The following DCDC2 variants were observed in gnomAD, a reference collection of about 807,000 sequenced individuals.
DCDC2 encodes doublecortin domain containing 2, also known as doublecortin domain-containing protein 2.
DCDC2 carries 40 observed loss-of-function variants against 50.2 expected under a neutral mutation model. That is an observed-to-expected ratio of 0.80 (90% CI 0.62 to 1.04). DCDC2 has a LOEUF of 1.04. Among genes scored for constraint, DCDC2 ranks in the 50% least tolerant of loss-of-function variants. DCDC2 has a pLI of 0.00. For synonymous variants in DCDC2, 234 were observed against 210.6 expected, an observed-to-expected ratio of 1.11 and a Z score of -0.96; for missense variants, 570 against 581.9, an observed-to-expected ratio of 0.98 and a Z score of 0.21.
At chr6:24,207,895 G>T (rs909721551) in intron 7 of DCDC2, among the ~76,000 whole-genome samples, 4 of 152,082 alleles carry the variant, frequency 2.6e-5, no homozygotes, top group African/African-American at 9.7e-5. Flanking sequence ...TCCTGATTTT[G>T]ATACAATTAA....
intron 4 of DCDC2, among the ~76,000 whole-genome samples, chr6:24,295,434 T>G (rs1763840994): frequency 6.6e-6 from 1 of 152,244 alleles, no homozygotes; most frequent in Admixed American, 6.5e-5. Flanking sequence ...CTCTCGCCAC[T>G]CCTATTCAAC....
At chr6:24,373,900 C>T in the DCDC2 span, among the ~76,000 whole-genome samples, 2 of 151,592 alleles carry the variant, frequency 1.3e-5, no homozygotes, top group Non-Finnish European at 2.9e-5. Context: ...CGGTGGCTCA[C>T]GCCTGTAATC....
At chr6:24,263,785 A>AGG (rs1422707096) in intron 7 of DCDC2, among the ~76,000 whole-genome samples, 1 of 152,210 alleles carries the variant, frequency 6.6e-6, no homozygotes, top group Non-Finnish European at 1.5e-5. Flanking sequence ...CTTAAAGAAG[A>AGG]GGGAGAGAGA....
At chr6:24,351,201 G>C (rs777427823) in intron 2 of DCDC2, among the ~76,000 whole-genome samples, 15 of 152,208 alleles carry the variant, frequency 9.9e-5, no homozygotes, top group Non-Finnish European at 2.1e-4. Flanking sequence ...TTCTGGCAAT[G>C]AAAGTAGGGG....
intron 5 of DCDC2, among the ~76,000 whole-genome samples, chr6:24,289,496 A>T (rs746610618): frequency 2.6e-5 from 4 of 152,154 alleles, no homozygotes; most frequent in African/African-American, 4.8e-5. Flanking sequence ...ACACATATAT[A>T]AAAAAAATTC....
At chr6:24,227,519 T>C (rs559777114) in intron 7 of DCDC2, among the ~76,000 whole-genome samples, 2 of 152,322 alleles carry the variant, frequency 1.3e-5, no homozygotes, top group African/African-American at 4.8e-5. Context: ...AGTTACACTG[T>C]GGAGCACCCT....
At chr6:24,189,694 C>T (rs539891051) in intron 8 of DCDC2, among the ~76,000 whole-genome samples, 198 of 152,256 alleles carry the variant, frequency 1.3e-3, no homozygotes, top group African/African-American at 4.6e-3. Context: ...CCCAACCCTC[C>T]TCCTCATTGC....
intron 7 of DCDC2, among the ~76,000 whole-genome samples, chr6:24,221,112 G>A (rs1762109844): frequency 1.3e-5 from 2 of 152,222 alleles, no homozygotes; most frequent in Middle Eastern, 3.4e-3. Context: ...GAAAACAAAA[G>A]GGGTACAGAC....
the DCDC2 span, among the ~76,000 whole-genome samples, chr6:24,382,767 T>C: frequency 1.3e-5 from 2 of 152,182 alleles, no homozygotes; most frequent in Non-Finnish European, 2.9e-5. Context: ...TTTTTTCTCT[T>C]CAAAAGACTC....
At chr6:24,279,047 C>G (rs1248270163) in intron 6 of DCDC2, among the ~76,000 whole-genome samples, 2 of 152,098 alleles carry the variant, frequency 1.3e-5, no homozygotes, top group Non-Finnish European at 2.9e-5. Flanking sequence ...CAATGAAGAC[C>G]CTGTGGCTGC....
chr6:24,174,684 C>T lies in DCDC2; in HGVS notation c.*46G>A. On this transcript the variant is annotated 3_prime_UTR_variant, in exon 10 of 10. Coordinates refer to ENST00000378454, the MANE Select transcript of DCDC2 (RefSeq NM_016356.5). ...TGTGCTTATCTTTCAAGTATGATAA[C>T]CCTTCATTTTTCTTGCGATCCATAT... 2 of 1,307,746 alleles carry T rather than the reference C, an allele frequency of 1.5e-6. No individual in the cohort carries two copies. The highest frequency in any genetic ancestry group is 1.2e-5 in the South Asian group (1 of 82,134). The allele number at this position is 1,307,746 out of a possible 1,614,324, so 81.0% of individuals were successfully genotyped here.
chr6:24,180,254 T>C (rs1469945998), intron 8 of DCDC2, among the ~76,000 whole-genome samples: 1 of 152,104 alleles, frequency 6.6e-6, no homozygotes, highest in South Asian at 2.1e-4. Flanking sequence ...ATTTCTTCAA[T>C]GCTATCAATA....
At chr6:24,193,934 C>T (rs1159975535) in intron 8 of DCDC2, among the ~76,000 whole-genome samples, 1 of 151,930 alleles carries the variant, frequency 6.6e-6, no homozygotes, top group Admixed American at 6.6e-5. Context: ...TGAGATACCA[C>T]CCAATGAAAG....
intron 7 of DCDC2, among the ~76,000 whole-genome samples, chr6:24,213,761 G>A (rs2113768685): frequency 6.6e-6 from 1 of 152,204 alleles, no homozygotes; most frequent in South Asian, 2.1e-4. Context: ...AGGAAGGGCA[G>A]GTTCACATGT....
chr6:24,188,206 C>T (rs1581575470), intron 8 of DCDC2, among the ~76,000 whole-genome samples: 1 of 152,242 alleles, frequency 6.6e-6, no homozygotes, highest in East Asian at 1.9e-4. Flanking sequence ...ATGCTGGTCC[C>T]CAAATGACAC....
chr6:24,298,947 T>C (rs991014868), intron 4 of DCDC2, among the ~76,000 whole-genome samples: 12 of 152,160 alleles, frequency 7.9e-5, no homozygotes, highest in Non-Finnish European at 1.5e-4. Flanking sequence ...AAAAGACATG[T>C]ACATGTAATA....
intron 8 of DCDC2, among the ~76,000 whole-genome samples, chr6:24,179,930 G>A (rs1249592288): frequency 1.5e-4 from 18 of 121,002 alleles, no homozygotes; most frequent in African/African-American, 5.2e-4. Flanking sequence ...CTCCAGCCTG[G>A]GCGACAGAGC....
At chr6:24,213,704 C>G (rs1205552359) in intron 7 of DCDC2, among the ~76,000 whole-genome samples, 2 of 151,900 alleles carry the variant, frequency 1.3e-5, no homozygotes, top group Admixed American at 1.3e-4. Context: ...GAAAGGTGAC[C>G]CAGTAGGATA....
At chr6:24,212,982 C>A (rs1362545730) in intron 7 of DCDC2, among the ~76,000 whole-genome samples, 1 of 152,090 alleles carries the variant, frequency 6.6e-6, no homozygotes, top group Non-Finnish European at 1.5e-5. Context: ...AAAGCATTTC[C>A]TTGTTTCAAT....
Sources: gnomAD v4.1 joint callset for allele counts (sites outside exome capture counted in the v4.1 genomes callset) on GRCh38, gnomAD v4.1.1 for gene constraint, MANE v1.5 for transcripts, NCBI Gene and HGNC (gene_info 2026-07-23, HGNC 2026-07-21) for gene names.